Variants in ZFHX3 observed in about 807,000 individuals in gnomAD.
The protein encoded by ZFHX3 is zinc finger homeobox protein 3.
In ZFHX3, 42 loss-of-function variants were observed where a neutral mutation model predicts 279.1. That is an observed-to-expected ratio of 0.15 (90% CI 0.12 to 0.19). ZFHX3 has a LOEUF of 0.19. Among genes scored for constraint, ZFHX3 ranks in the 10% least tolerant of loss-of-function variants. The probability of loss-of-function intolerance (pLI) is 1.00; values close to 1 mark genes in which losing one functional copy is unlikely to be tolerated. For synonymous variants in ZFHX3, 2,293 were observed against 1,957.8 expected (o/e 1.17, Z -4.52); for missense variants, 4,981 against 4,754.0 (o/e 1.05, Z -1.40).
In ZFHX3 at chr16:73,455,730, C is replaced by CTTT. The variant is rs33959280; in HGVS notation, c.-1291+270_-1291+272dup. 4.1e-5 allele frequency among the ~76,000 whole-genome samples: 6 copies of CTTT among 147,236 alleles called. No individual in the cohort carries two copies. In the South Asian group the frequency reaches 1.3e-3, roughly 33 times the overall value. ...TTTTCTTCCTTTTTTTAAAATATTGCTTTTTTTTTTTTTTAACTTCAAAGC... is the reference window on the plus strand; with the variant it reads ...TTTTCTTCCTTTTTTTAAAATATTGCTTTTTTTTTTTTTTTTTAACTTCAAAGC... On this transcript the variant is annotated intron_variant, in intron 3 of 17. Transcript: ENST00000641206.
At chr16:72,967,533 G>A (rs1162525311) in intron 1 of ZFHX3, among the ~76,000 whole-genome samples, 3 of 152,064 alleles carry the variant, frequency 2.0e-5, no homozygotes, top group Admixed American at 2.0e-4. Flanking sequence ...AAAAGAGTAT[G>A]GAGTTAGAAA....
At chr16:73,024,736 AG>A (rs1160696746) in intron 1 of ZFHX3, among the ~76,000 whole-genome samples, 3 of 152,180 alleles carry the variant, frequency 2.0e-5, no homozygotes, top group Admixed American at 6.5e-5. Flanking sequence ...AGGGTCTGAA[AG>A]TATCTCAACA....
rs753247421 is a variant in ZFHX3, at chr16:72,910,949, T to C, written c.3217-20987A>G. On this transcript the variant is annotated intron_variant, in intron 3 of 9. Coordinates refer to ENST00000268489, the MANE Select transcript of ZFHX3 (RefSeq NM_006885.4). ...CCCCTGCAGGCATCTGGGTTTGCAA[T>C]CCCTGGGTCCGAATGTGAAAGAGAA... 6.3e-4 allele frequency among the ~76,000 whole-genome samples: 96 copies of C among 152,126 alleles called. 1 individual carries two copies. Among genetic ancestry groups the C allele is most frequent in the Admixed American group, 2.0e-3 (30 of 15,262 alleles).
intron 1 of ZFHX3, among the ~76,000 whole-genome samples, chr16:73,729,675 C>T (rs1157103920): frequency 6.6e-6 from 1 of 152,226 alleles, no homozygotes; most frequent in East Asian, 1.9e-4. Context: ...GCCAACCTCT[C>T]CCGCAATCTT....
chr16:73,416,812 T>C lies in ZFHX3; in HGVS notation c.-1291+39191A>G, dbSNP rs917358162. On this transcript the variant is annotated intron_variant, in intron 3 of 17. Transcript: ENST00000641206. The stretch of plus-strand genomic sequence containing the variant: ...TGGCGTGAACTCGGGAGGCGGAGCC[T>C]GCAGTGAGCCGAGATCGCGCCACTG... 1.3e-5 allele frequency among the ~76,000 whole-genome samples: 2 copies of C among 148,514 alleles called. 1 individual carries two copies. The highest frequency in any genetic ancestry group is 3.0e-5 in the Non-Finnish European group (2 of 66,160).
intron 2 of ZFHX3, among the ~76,000 whole-genome samples, chr16:73,678,954 G>T (rs2052982837): frequency 6.6e-6 from 1 of 152,160 alleles, no homozygotes; most frequent in African/African-American, 2.4e-5. Context: ...CACAACACCA[G>T]ATGACCAAGA....
chr16:73,004,982 C>A (rs1475508754), intron 1 of ZFHX3, among the ~76,000 whole-genome samples: 4 of 152,198 alleles, frequency 2.6e-5, no homozygotes, highest in Non-Finnish European at 4.4e-5. Context: ...AACTGTCCTA[C>A]AACCATTTAT....
chr16:72,916,848 A>G (rs575458131), intron 3 of ZFHX3, among the ~76,000 whole-genome samples: 2 of 152,338 alleles, frequency 1.3e-5, no homozygotes, highest in African/African-American at 4.8e-5. Flanking sequence ...CTCCAGATGG[A>G]TAACAGAGTT....
intron 4 of ZFHX3, among the ~76,000 whole-genome samples, chr16:73,284,164 A>G (rs1259337818): frequency 6.6e-6 from 1 of 151,884 alleles, no homozygotes; most frequent in Non-Finnish European, 1.5e-5. Context: ...TAAAAATACA[A>G]AAATTAGCTG....
intron 5 of ZFHX3, among the ~76,000 whole-genome samples, chr16:73,160,436 C>G (rs190510916): frequency 6.6e-6 from 1 of 152,228 alleles, no homozygotes; most frequent in Non-Finnish European, 1.5e-5. Context: ...GTTTCTCATT[C>G]TAGCTATCCT....
chr16:73,891,028 C>CG (rs1277266554), intron 1 of ZFHX3, among the ~76,000 whole-genome samples: 2 of 150,626 alleles, frequency 1.3e-5, no homozygotes, highest in African/African-American at 4.9e-5. Flanking sequence ...CGCTCCCCCC[C>CG]TCCACCTCAC....
chr16:73,606,184 A>G (rs1391350788), intron 2 of ZFHX3, among the ~76,000 whole-genome samples: 1 of 5,514 alleles, frequency 1.8e-4, no homozygotes, highest in African/African-American at 2.2e-4. Context: ...TCCATCTAAA[A>G]AAAAAAAAAA....
intron 3 of ZFHX3, among the ~76,000 whole-genome samples, chr16:72,934,847 G>C (rs1381720183): frequency 4.6e-5 from 7 of 152,210 alleles, no homozygotes; most frequent in Admixed American, 3.9e-4. Context: ...ACCTCTGGGG[G>C]TCAAGCCAGG....
intron 7 of ZFHX3, among the ~76,000 whole-genome samples, chr16:72,804,617 G>A (rs1054371384): frequency 6.6e-6 from 1 of 152,136 alleles, no homozygotes; most frequent in Admixed American, 6.6e-5. Context: ...TGCTTTTCAA[G>A]ATTCTATGAG....
intron 1 of ZFHX3, among the ~76,000 whole-genome samples, chr16:73,711,077 A>G (rs1597077001): frequency 6.6e-6 from 1 of 152,300 alleles, no homozygotes; most frequent in East Asian, 1.9e-4. Flanking sequence ...TCAGTACCCA[A>G]ATCAAAGAAG....
intron 3 of ZFHX3, among the ~76,000 whole-genome samples, chr16:73,440,972 G>C (rs183274279): frequency 0.014 from 2,194 of 152,288 alleles, 52 homozygotes; most frequent in African/African-American, 0.05. Context: ...TTAGGGAAGA[G>C]AGATAAGCAC....
At chr16:73,886,085 T>G (rs2030336454) in intron 1 of ZFHX3, among the ~76,000 whole-genome samples, 1 of 152,106 alleles carries the variant, frequency 6.6e-6, no homozygotes, top group Admixed American at 6.6e-5. Context: ...CACAATCCAT[T>G]CAAGGTAACA....
intron 7 of ZFHX3, among the ~76,000 whole-genome samples, chr16:73,113,159 G>C (rs1446324892): frequency 6.6e-6 from 1 of 152,112 alleles, no homozygotes; most frequent in Non-Finnish European, 1.5e-5. Flanking sequence ...AGGTCAGAAA[G>C]AAGGAGAGCA....
At chr16:72,967,565 T>C (rs1961902913) in intron 1 of ZFHX3, among the ~76,000 whole-genome samples, 1 of 152,036 alleles carries the variant, frequency 6.6e-6, no homozygotes, top group African/African-American at 2.4e-5. Flanking sequence ...ATAACCATCA[T>C]CATCTTCATC....
Sources: gnomAD v4.1 joint callset for allele counts (sites outside exome capture counted in the v4.1 genomes callset) on GRCh38, gnomAD v4.1.1 for gene constraint, MANE v1.5 for transcripts, NCBI Gene and HGNC (gene_info 2026-07-23, HGNC 2026-07-21) for gene names.